The following WWOX variants were observed in gnomAD, a reference collection of about 807,000 sequenced individuals.
The protein encoded by WWOX is WW domain containing oxidoreductase, also known as WW domain-containing oxidoreductase.
WWOX carries 69 observed loss-of-function variants against 46.2 expected under a neutral mutation model. The ratio of observed to expected loss-of-function variants is 1.49; its 90% CI spans 1.23 to 1.82. The LOEUF (loss-of-function observed/expected upper bound fraction) is 1.82. WWOX is among the 40% of genes most tolerant of loss of function. WWOX has a pLI of 0.00. For missense variants in WWOX, 919 were observed against 542.6 expected, an observed-to-expected ratio of 1.69 and a Z score of -6.89; for synonymous variants, 359 against 202.6, an observed-to-expected ratio of 1.77 and a Z score of -6.56.
chr16:78,872,535 A>G (rs904362610), intron 8 of WWOX, among the ~76,000 whole-genome samples: 1 of 152,190 alleles, frequency 6.6e-6, no homozygotes, highest in Non-Finnish European at 1.5e-5. Flanking sequence ...AAGTGCATTA[A>G]TCACTCTAAG....
At chr16:78,312,691 C>G (rs2080271886) in intron 5 of WWOX, among the ~76,000 whole-genome samples, 1 of 151,168 alleles carries the variant, frequency 6.6e-6, no homozygotes, top group Non-Finnish European at 1.5e-5. Flanking sequence ...AGGCCTAATT[C>G]TAGCAATCTC....
intron 8 of WWOX, among the ~76,000 whole-genome samples, chr16:78,890,045 A>G (rs563199841): frequency 4.6e-5 from 7 of 152,266 alleles, no homozygotes; most frequent in African/African-American, 1.7e-4. Flanking sequence ...CAAGTGGCAC[A>G]AAAACATTGC....
intron 5 of WWOX, chr16:78,269,255 T>C (rs2079426813): frequency 6.6e-6 from 1 of 152,236 alleles, no homozygotes; most frequent in Non-Finnish European, 1.5e-5. Context: ...GACTTTATGC[T>C]GCAAGACATA....
In WWOX at chr16:78,929,663, C is replaced by T. The variant is rs539428212; in HGVS notation, c.1057-281945C>T. On this transcript the variant is annotated intron_variant, in intron 8 of 8. Transcript: ENST00000566780. ...GGGGTTGGGATGGCGACTAAAGACC[C>T]GCGTGGACTGCATGCTGCAGCCAGC... 4.7e-4 allele frequency among the ~76,000 whole-genome samples: 72 copies of T among 152,214 alleles called. No individual in the cohort carries two copies. In the South Asian group the frequency reaches 9.1e-3, roughly 19 times the overall value.
intron 8 of WWOX, among the ~76,000 whole-genome samples, chr16:78,975,793 C>A (rs770421419): frequency 1.4e-4 from 22 of 152,128 alleles, no homozygotes; most frequent in Non-Finnish European, 3.2e-4. Flanking sequence ...TCAGACAATT[C>A]TGCCAGGCCC....
chr16:79,155,038 G>A (rs2050353684), intron 8 of WWOX, among the ~76,000 whole-genome samples: 1 of 152,156 alleles, frequency 6.6e-6, no homozygotes, highest in Non-Finnish European at 1.5e-5. Context: ...CAGACTTAGG[G>A]TTCTAGATTC....
intron 6 of WWOX, among the ~76,000 whole-genome samples, chr16:78,395,741 TTTTTG>T (rs1293341348): frequency 2.1e-5 from 3 of 142,534 alleles, no homozygotes; most frequent in African/African-American, 2.8e-5. Context: ...TGAGTATGGT[TTTTTG>T]TTTTGTTTTT....
At chr16:78,593,497 C>T (rs921036249) in intron 8 of WWOX, among the ~76,000 whole-genome samples, 5 of 152,200 alleles carry the variant, frequency 3.3e-5, no homozygotes, top group African/African-American at 4.8e-5. Context: ...CAGAGGTGGG[C>T]ACATGACCCA....
chr16:79,135,430 C>CT (rs1261406812), intron 8 of WWOX, among the ~76,000 whole-genome samples: 2 of 152,128 alleles, frequency 1.3e-5, no homozygotes, highest in Admixed American at 6.5e-5. Flanking sequence ...CCATCATTTA[C>CT]TTATGTAATA....
chr16:78,906,642 A>T (rs899553255), intron 8 of WWOX, among the ~76,000 whole-genome samples: 1 of 152,216 alleles, frequency 6.6e-6, no homozygotes, highest in Non-Finnish European at 1.5e-5. Flanking sequence ...TTCAGTGATG[A>T]TAAAGGTTAC....
At chr16:78,670,093 G>A (rs190134643) in intron 8 of WWOX, among the ~76,000 whole-genome samples, 2 of 152,116 alleles carry the variant, frequency 1.3e-5, no homozygotes, top group African/African-American at 2.4e-5. Context: ...GGCCGCCCCC[G>A]GAAGCTCCAT....
chr16:78,798,766 A>T (rs929031006), intron 8 of WWOX, among the ~76,000 whole-genome samples: 1 of 152,202 alleles, frequency 6.6e-6, no homozygotes, highest in African/African-American at 2.4e-5. Flanking sequence ...TTTTTCTACT[A>T]TTAACATAAA....
At chr16:78,174,281 G>A (rs2035259737) in intron 5 of WWOX, among the ~76,000 whole-genome samples, 1 of 152,128 alleles carries the variant, frequency 6.6e-6, no homozygotes, top group Non-Finnish European at 1.5e-5. Flanking sequence ...GAAAAATGAG[G>A]AAGAAGCAAA....
intron 5 of WWOX, among the ~76,000 whole-genome samples, chr16:78,261,274 G>GATACATAC (rs201936637): frequency 0.022 from 3,274 of 147,690 alleles, 93 homozygotes; most frequent in Non-Finnish European, 0.024. Context: ...TAGATAGATA[G>GATACATAC]ATAGATAGAT....
chr16:78,971,732 C>G lies in WWOX; in HGVS notation c.1057-239876C>G, dbSNP rs973154588. On this transcript the variant is annotated intron_variant, in intron 8 of 8. Transcript: ENST00000566780. ...ATCGCCCCCCCACCCCGATCCCCAC[C>G]CTCTGCCGCCCTGGCCTTCTTTTTG... Among the ~76,000 whole-genome samples the G allele has an allele frequency of 5.9e-5, 9 of 151,832 alleles. 1 individual carries two copies. Among genetic ancestry groups the G allele is most frequent in the Non-Finnish European group, 7.4e-5 (5 of 67,984 alleles).
At position 78,543,759 on chromosome 16, in the gene WWOX, C is replaced by T. The variant is rs60904967; in HGVS notation, c.1056+111007C>T. Among the ~76,000 whole-genome samples the T allele has an allele frequency of 9.2e-3, 1,399 of 152,206 alleles. 28 individuals are homozygous for T. The highest frequency in any genetic ancestry group is 0.032 in the African/African-American group (1,333 of 41,534). On this transcript the variant is annotated intron_variant, in intron 8 of 8. Coordinates refer to ENST00000566780, the MANE Select transcript of WWOX (RefSeq NM_016373.4). ...CCTCAAAACAGAAACCTGTGAGATC[C>T]CTTGAATATACTGACAATACACTGA...
intron 8 of WWOX, among the ~76,000 whole-genome samples, chr16:78,994,763 C>A (rs929701092): frequency 4.6e-5 from 7 of 152,070 alleles, no homozygotes; most frequent in African/African-American, 1.7e-4. Flanking sequence ...CAGAGAAGGA[C>A]TTTCTTTGGA....
At chr16:78,456,658 CTGATA>C (rs1441543917) in intron 8 of WWOX, among the ~76,000 whole-genome samples, 4 of 152,026 alleles carry the variant, frequency 2.6e-5, no homozygotes, top group African/African-American at 9.7e-5. Context: ...CTGAAACATC[CTGATA>C]TATTTTTTGT....
intron 5 of WWOX, among the ~76,000 whole-genome samples, chr16:78,330,044 G>A (rs899383604): frequency 2.0e-5 from 3 of 152,142 alleles, no homozygotes; most frequent in Non-Finnish European, 4.4e-5. Context: ...ATGAGTCACT[G>A]CCTGGTGCTT....
Sources: allele counts gnomAD v4.1 joint callset (sites outside exome capture counted in the v4.1 genomes callset), GRCh38; gene constraint gnomAD v4.1.1; transcripts MANE v1.5; gene names NCBI Gene and HGNC (gene_info 2026-07-23, HGNC 2026-07-21).